The following PPM1E variants were observed in gnomAD, a reference collection of about 807,000 sequenced individuals.
PPM1E encodes protein phosphatase, Mg2+/Mn2+ dependent 1E.
In PPM1E, 20 loss-of-function variants were observed where a neutral mutation model predicts 65.9. The observed-to-expected ratio is 0.30, with a 90% CI of 0.21 to 0.44. PPM1E has a LOEUF of 0.44. Among genes scored for constraint, PPM1E ranks in the 20% least tolerant of loss-of-function variants. The pLI is 1.00. For missense variants in PPM1E, 713 were observed against 953.1 expected (o/e 0.75, Z 3.32); for synonymous variants, 352 against 374.9 (o/e 0.94, Z 0.70).
At chr17:58,940,610 C>A (rs1056008931) in intron 1 of PPM1E, among the ~76,000 whole-genome samples, 2 of 152,132 alleles carry the variant, frequency 1.3e-5, no homozygotes, top group Non-Finnish European at 2.9e-5. Context: ...ATTTGTTGAA[C>A]CTACATCCAG....
At chr17:58,823,398 G>A (rs911187110) in intron 1 of PPM1E, among the ~76,000 whole-genome samples, 5 of 152,108 alleles carry the variant, frequency 3.3e-5, no homozygotes, top group Admixed American at 6.5e-5. Context: ...TTGTGATAAC[G>A]CTGTTCTCTG....
At chr17:58,828,898 A>G (rs1191052404) in intron 1 of PPM1E, among the ~76,000 whole-genome samples, 4 of 152,198 alleles carry the variant, frequency 2.6e-5, no homozygotes, top group Non-Finnish European at 5.9e-5. Flanking sequence ...ACAATTTTAT[A>G]CAACTCCTGC....
At chr17:58,925,282 A>C (rs1486559092) in intron 1 of PPM1E, among the ~76,000 whole-genome samples, 2 of 152,028 alleles carry the variant, frequency 1.3e-5, no homozygotes, top group East Asian at 3.9e-4. Flanking sequence ...GACTGGTGTG[A>C]GATGGTATCT....
At chr17:58,959,600 A>G (rs868223412) in intron 2 of PPM1E, among the ~76,000 whole-genome samples, 1 of 95,220 alleles carries the variant, frequency 1.1e-5, no homozygotes, top group Non-Finnish European at 2.5e-5. Context: ...CTCTGTCTCA[A>G]AAAAAAAAAA....
intron 1 of PPM1E, among the ~76,000 whole-genome samples, chr17:58,852,354 G>T (rs1340966385): frequency 6.6e-6 from 1 of 152,136 alleles, no homozygotes; most frequent in Non-Finnish European, 1.5e-5. Context: ...CTCATGCTGG[G>T]AGCTGCAGAC....
chr17:58,876,853 G>A (rs962529588), intron 1 of PPM1E, among the ~76,000 whole-genome samples: 10 of 151,924 alleles, frequency 6.6e-5, no homozygotes, highest in African/African-American at 2.2e-4. Context: ...GCGCGATCTC[G>A]GCTCACTGCA....
At position 58,952,552 on chromosome 17, in the gene PPM1E, C is replaced by T. The variant is rs540017450; in HGVS notation, c.465-3097C>T. 2.0e-5 allele frequency among the ~76,000 whole-genome samples: 3 copies of T among 152,296 alleles called. No individual in the cohort carries two copies. In the East Asian group the frequency reaches 5.8e-4, roughly 29 times the overall value. ...GGGAATGTTACTGCTTGGGGGTGTG[C>T]CTGCTGGCAGTGGCTCACAGAGCTG... On this transcript the variant is annotated intron_variant, in intron 1 of 6. Coordinates refer to ENST00000308249, the MANE Select transcript of PPM1E (RefSeq NM_014906.5).
chr17:58,877,489 T>C (rs1376117333), intron 1 of PPM1E, among the ~76,000 whole-genome samples: 1 of 152,214 alleles, frequency 6.6e-6, no homozygotes, highest in Non-Finnish European at 1.5e-5. Context: ...AAACCCTCAA[T>C]TTCTAAACAA....
At chr17:58,935,398 T>C (rs750896751) in intron 1 of PPM1E, among the ~76,000 whole-genome samples, 1 of 152,044 alleles carries the variant, frequency 6.6e-6, no homozygotes, top group Non-Finnish European at 1.5e-5. Flanking sequence ...TGGGAGTATA[T>C]AGGAGAATGT....
At chr17:58,802,553 T>A (rs937936571) in intron 1 of PPM1E, among the ~76,000 whole-genome samples, 1 of 151,834 alleles carries the variant, frequency 6.6e-6, no homozygotes, top group African/African-American at 2.4e-5. Flanking sequence ...ATGTTAGGGG[T>A]TTTTTTTCTA....
chr17:58,786,209 T>C (rs1369885379), intron 1 of PPM1E, among the ~76,000 whole-genome samples: 6 of 151,880 alleles, frequency 4.0e-5, no homozygotes, highest in Non-Finnish European at 7.4e-5. Flanking sequence ...AGAGACGGGG[T>C]TTCACCATGT....
intron 1 of PPM1E, among the ~76,000 whole-genome samples, chr17:58,923,284 C>CAGAAA: frequency 9.8e-6 from 1 of 102,488 alleles, no homozygotes; most frequent in Non-Finnish European, 1.9e-5. Flanking sequence ...GACCCTATCT[C>CAGAAA]AAAAAAAAAA....
At chr17:58,976,212 ACT>A (rs1428277284) in intron 6 of PPM1E, among the ~76,000 whole-genome samples, 1 of 152,192 alleles carries the variant, frequency 6.6e-6, no homozygotes, top group Non-Finnish European at 1.5e-5. Flanking sequence ...GCACAGGCTC[ACT>A]GTTAGGATGG....
intron 1 of PPM1E, among the ~76,000 whole-genome samples, chr17:58,839,396 G>A (rs2050695233): frequency 1.3e-5 from 2 of 152,096 alleles, no homozygotes; most frequent in South Asian, 4.1e-4. Flanking sequence ...AAAGCAGACT[G>A]TGACAAGAGC....
chr17:58,952,283 T>TG (rs2052250265), intron 1 of PPM1E, among the ~76,000 whole-genome samples: 1 of 152,194 alleles, frequency 6.6e-6, no homozygotes. Flanking sequence ...GCTGTGGCCA[T>TG]GGACTGTTAC....
At chr17:58,862,373 G>A (rs946691153) in intron 1 of PPM1E, among the ~76,000 whole-genome samples, 2 of 152,190 alleles carry the variant, frequency 1.3e-5, no homozygotes, top group Non-Finnish European at 2.9e-5. Context: ...TTTATATATT[G>A]ACTGGATTAT....
chr17:58,792,376 T>C (rs1176077080), intron 1 of PPM1E, among the ~76,000 whole-genome samples: 1 of 151,908 alleles, frequency 6.6e-6, no homozygotes, highest in African/African-American at 2.4e-5. Context: ...AGTCTGACTC[T>C]GCCACCAAGG....
At chr17:58,840,513 A>G (rs2050707589) in intron 1 of PPM1E, among the ~76,000 whole-genome samples, 1 of 152,180 alleles carries the variant, frequency 6.6e-6, no homozygotes, top group African/African-American at 2.4e-5. Flanking sequence ...GGTTTCTAAT[A>G]TTATTCTTCA....
intron 1 of PPM1E, among the ~76,000 whole-genome samples, chr17:58,789,965 C>G (rs1317191044): frequency 6.6e-6 from 1 of 152,082 alleles, no homozygotes; most frequent in Non-Finnish European, 1.5e-5. Flanking sequence ...TTCATTCTAG[C>G]ACAATTTTTG....
Sources: allele counts gnomAD v4.1 joint callset (sites outside exome capture counted in the v4.1 genomes callset), GRCh38; gene constraint gnomAD v4.1.1; transcripts MANE v1.5; gene names NCBI Gene and HGNC (gene_info 2026-07-23, HGNC 2026-07-21).